Variants in PALS1 observed in about 807,000 individuals in gnomAD.
The protein encoded by PALS1 is protein associated with LIN7 1, MAGUK p55 family member.
In PALS1, 31 loss-of-function variants were observed where a neutral mutation model predicts 78.9. That is an observed-to-expected ratio of 0.39 (90% CI 0.30 to 0.53). PALS1 has a LOEUF of 0.53. Among genes scored for constraint, PALS1 ranks in the 20% least tolerant of loss-of-function variants. PALS1 has a pLI of 0.67. For missense variants in PALS1, 704 were observed against 826.5 expected (o/e 0.85, Z 1.82); for synonymous variants, 276 against 270.9 (o/e 1.02, Z -0.18).
At chr14:67,246,649 G>GTTTTTT (rs71129814) in intron 1 of PALS1, among the ~76,000 whole-genome samples, 3 of 112,216 alleles carry the variant, frequency 2.7e-5, no homozygotes, top group Non-Finnish European at 1.7e-5. Flanking sequence ...CCTACTATAG[G>GTTTTTT]TTTTTTTTTT....
At position 67,332,902 on chromosome 14, in the gene PALS1, A is replaced by C; in HGVS notation, c.1974A>C (p.Leu658Phe). 2 of 1,613,982 alleles carry C rather than the reference A, an allele frequency of 1.2e-6. No individual in the cohort carries two copies. The highest frequency in any genetic ancestry group is 4.5e-5 in the East Asian group (2 of 44,870). ...LDKAYQELLR[L>F]INKLDTEPQW... ...AAGCCTATCAGGAATTGCTTAGGTT[A>C]ATTAACAAACTTGATACTGAACCTC... Residue 658 changes from leucine (L) to phenylalanine (F), a missense_variant, in exon 15 of 15, where the codon TTA (leucine) becomes TTC (phenylalanine). By Grantham distance (22) the Leu-to-Phe change is conservative. Transcript: ENST00000261681.
intron 9 of PALS1, among the ~76,000 whole-genome samples, chr14:67,313,475 T>C (rs551921097): frequency 9.9e-5 from 15 of 152,208 alleles, no homozygotes; most frequent in Middle Eastern, 3.2e-3. Flanking sequence ...AATGTTGTTA[T>C]GCAGTGCATG....
rs57259066 is a variant in PALS1 at position 67,289,595 on chromosome 14, C to T, written c.368-2916C>T. Among the ~76,000 whole-genome samples the T allele has an allele frequency of 4.4e-3, 663 of 151,750 alleles. 19 individuals are homozygous for T. In the East Asian group the frequency reaches 0.06, roughly 14 times the overall value. On this transcript the variant is annotated intron_variant, in intron 3 of 14. Transcript: ENST00000261681. ...AGACTAAAGTTGTTTTGATTTGGGGCGGGAAAGATAGCGAACCTCAAGAAT... is the reference window on the plus strand; with the variant it reads ...AGACTAAAGTTGTTTTGATTTGGGGTGGGAAAGATAGCGAACCTCAAGAAT...
At chr14:67,260,242 C>T (rs184056991) in intron 1 of PALS1, among the ~76,000 whole-genome samples, 1 of 152,174 alleles carries the variant, frequency 6.6e-6, no homozygotes, top group Non-Finnish European at 1.5e-5. Context: ...GGCCATACCA[C>T]CCTGACTGTG....
At chr14:67,299,897 G>A (rs1161828952) in intron 4 of PALS1, among the ~76,000 whole-genome samples, 2 of 152,130 alleles carry the variant, frequency 1.3e-5, no homozygotes, top group Non-Finnish European at 2.9e-5. Context: ...CATCCTCAGA[G>A]TTTCTTCAGC....
intron 1 of PALS1, among the ~76,000 whole-genome samples, chr14:67,260,509 T>C (rs572705681): frequency 9.8e-5 from 15 of 152,308 alleles, no homozygotes; most frequent in African/African-American, 3.6e-4. Flanking sequence ...GATTTCAAGG[T>C]AGACAATAAA....
rs577662205 is a variant in PALS1 at position 67,298,324 on chromosome 14, G to T, written c.577-3065G>T. Among the ~76,000 whole-genome samples the T allele has an allele frequency of 6.0e-4, 92 of 152,092 alleles. 1 individual carries two copies. The highest frequency in any genetic ancestry group is 2.2e-3 in the African/African-American group (91 of 41,480). On this transcript the variant is annotated intron_variant, in intron 4 of 14. Coordinates refer to ENST00000261681, the MANE Select transcript of PALS1 (RefSeq NM_022474.4). ...AGGTCAGGAGTTCGAGACTAGTCTG[G>T]CCAACATGGTGAAACCCTGTCTCTA... is the stretch of plus-strand genomic sequence containing the variant.
At chr14:67,275,958 G>A (rs1006266504) in intron 2 of PALS1, among the ~76,000 whole-genome samples, 1 of 152,102 alleles carries the variant, frequency 6.6e-6, no homozygotes, top group Non-Finnish European at 1.5e-5. Flanking sequence ...TGTGGGGTTG[G>A]TGGTGATACC....
intron 4 of PALS1, among the ~76,000 whole-genome samples, chr14:67,293,032 A>C (rs1324345295): frequency 6.6e-6 from 1 of 152,158 alleles, no homozygotes; most frequent in African/African-American, 2.4e-5. Context: ...TATGAATTTT[A>C]AGCATTATAC....
intron 2 of PALS1, among the ~76,000 whole-genome samples, chr14:67,275,072 C>T (rs2084478632): frequency 1.3e-5 from 2 of 152,304 alleles, no homozygotes; most frequent in South Asian, 4.1e-4. Flanking sequence ...CAAACAGGGA[C>T]AATTTGACTT....
intron 4 of PALS1, among the ~76,000 whole-genome samples, chr14:67,297,696 T>G (rs1758195763): frequency 7.4e-6 from 1 of 134,418 alleles, no homozygotes; most frequent in Admixed American, 7.4e-5. Context: ...AGTAGAAAAT[T>G]AATAGGACAT....
chr14:67,303,072 CGCACT>C, intron 7 of PALS1, among the ~76,000 whole-genome samples: 1 of 152,302 alleles, frequency 6.6e-6, no homozygotes, highest in African/African-American at 2.4e-5. Flanking sequence ...GTTCCTTATT[CGCACT>C]AGCTGCATTT....
chr14:67,302,919 CTTTTA>C (rs921337972), intron 7 of PALS1, among the ~76,000 whole-genome samples: 7 of 152,116 alleles, frequency 4.6e-5, no homozygotes, highest in African/African-American at 1.4e-4. Context: ...TTTTTGTGTT[CTTTTA>C]TTTTATTATC....
chr14:67,308,378 C>T (rs1450424605), intron 8 of PALS1, among the ~76,000 whole-genome samples: 2 of 149,978 alleles, frequency 1.3e-5, no homozygotes, highest in Admixed American at 6.7e-5. Flanking sequence ...ATAGCCTTAC[C>T]TTCATGAGTA....
chr14:67,276,620 C>A (rs1479842767), intron 2 of PALS1, among the ~76,000 whole-genome samples: 1 of 152,090 alleles, frequency 6.6e-6, no homozygotes, highest in Admixed American at 6.5e-5. Flanking sequence ...AAATTTAGAA[C>A]CTGTTAAGGA....
intron 1 of PALS1, among the ~76,000 whole-genome samples, chr14:67,261,334 T>C (rs1198282618): frequency 2.0e-5 from 3 of 152,128 alleles, no homozygotes; most frequent in East Asian, 3.9e-4. Flanking sequence ...CAAGAGATAA[T>C]GTATATTATG....
chr14:67,292,639 C>G lies in PALS1; in HGVS notation c.496C>G (p.His166Asp). 6.2e-7 allele frequency: 1 copy of G among 1,613,656 alleles called. No individual in the cohort carries two copies. The highest frequency in any genetic ancestry group is 8.5e-7 in the Non-Finnish European group (1 of 1,179,692). The change falls in exon 4 of 15, where the codon CAC becomes GAC. Residue 166 changes from histidine (H) to aspartate (D), a missense_variant. Coordinates refer to ENST00000261681, the MANE Select transcript of PALS1 (RefSeq NM_022474.4). ...NKDFQNAFKI[H>D]NAITVHMNKA... ...GGATTTCCAGAATGCATTTAAGATACACAATGCCATCACAGTACACATGAA... is the reference window on the plus strand; with the variant it reads ...GGATTTCCAGAATGCATTTAAGATAGACAATGCCATCACAGTACACATGAA...
At chr14:67,257,935 A>T (rs188953037) in intron 1 of PALS1, among the ~76,000 whole-genome samples, 163 of 152,262 alleles carry the variant, frequency 1.1e-3, no homozygotes, top group African/African-American at 3.7e-3. Flanking sequence ...GTGTGTAAAA[A>T]CATTGCTGTC....
chr14:67,242,990 C>T (rs927627924), intron 1 of PALS1, among the ~76,000 whole-genome samples: 1 of 152,102 alleles, frequency 6.6e-6, no homozygotes, highest in Non-Finnish European at 1.5e-5. Flanking sequence ...TTAAAAATCT[C>T]ATCACAGGGG....
Sources: allele counts gnomAD v4.1 joint callset (sites outside exome capture counted in the v4.1 genomes callset), GRCh38; gene constraint gnomAD v4.1.1; transcripts MANE v1.5; gene names NCBI Gene and HGNC (gene_info 2026-07-23, HGNC 2026-07-21).